The following LRP1B variants were observed in gnomAD, a reference collection of about 807,000 sequenced individuals.
The protein encoded by LRP1B is low-density lipoprotein receptor-related protein 1B.
In LRP1B, 217 loss-of-function variants were observed where a neutral mutation model predicts 556.6. That is an observed-to-expected ratio of 0.39 (90% CI 0.35 to 0.44). The LOEUF (loss-of-function observed/expected upper bound fraction) is 0.44, where lower values mean the gene tolerates loss of function less well. Among genes scored for constraint, LRP1B ranks in the 20% least tolerant of loss-of-function variants. The probability of loss-of-function intolerance (pLI) is 1.00; values close to 1 mark genes in which losing one functional copy is unlikely to be tolerated. For missense variants in LRP1B, 5,053 were observed against 5,620.8 expected, an observed-to-expected ratio of 0.90 and a Z score of 3.23; for synonymous variants, 2,047 against 1,865.8, an observed-to-expected ratio of 1.10 and a Z score of -2.50.
rs1373137869 is a variant in LRP1B, at chr2:141,015,850, G to T, written c.2036C>A (p.Ala679Asp). The change falls in exon 13 of 91, where the codon GCC becomes GAC. Residue 679 changes from alanine to aspartate, a missense_variant. This residue lies in a region of LRP1B where 3,619 missense variants were observed against 3,931.9 expected (regional missense o/e 0.92). Transcript: ENST00000389484. ...CTGCCGATTGAATCCATCCATCCAGGCCTTCTCAATCCTTCCCACGCTGTC... is the reference window on the plus strand; with the variant it reads ...CTGCCGATTGAATCCATCCATCCAGTCCTTCTCAATCCTTCCCACGCTGTC... ...IDDSVGRIEK[A>D]WMDGFNRQIF... 6.2e-7 allele frequency: 1 copy of T among 1,613,384 alleles called. No homozygotes were observed. Among genetic ancestry groups the T allele is most frequent in the Non-Finnish European group, 8.5e-7 (1 of 1,179,736 alleles).
intron 7 of LRP1B, among the ~76,000 whole-genome samples, chr2:141,160,630 T>C (rs1257092077): frequency 6.6e-6 from 1 of 151,844 alleles, no homozygotes; most frequent in East Asian, 1.9e-4. Flanking sequence ...GGCCTTATGC[T>C]GACTTGGAAA....
chr2:141,847,039 G>T (rs1399559327), intron 1 of LRP1B, among the ~76,000 whole-genome samples: 1 of 151,396 alleles, frequency 6.6e-6, no homozygotes, highest in Non-Finnish European at 1.5e-5. Context: ...AAAGAGGTAT[G>T]ACTGTTCTTT....
intron 1 of LRP1B, among the ~76,000 whole-genome samples, chr2:142,129,996 G>A (rs541170835): frequency 1.3e-5 from 2 of 152,300 alleles, no homozygotes; most frequent in Non-Finnish European, 2.9e-5. Context: ...AGGCACTCCA[G>A]GGGTGGGTTA....
In LRP1B at chr2:141,132,582, C is replaced by T. The variant is rs372842266; in HGVS notation, c.1013+55839G>A. ...AACAAAACAGACTAGGACATCAATA[C>T]TATTAAAATCTAATATAATCTCACT... On this transcript the variant is annotated intron_variant, in intron 7 of 90. Transcript: ENST00000389484. Among the ~76,000 whole-genome samples, 102 of 152,026 alleles carry T rather than the reference C, an allele frequency of 6.7e-4. 2 individuals are homozygous for T. In the South Asian group the frequency reaches 0.021, roughly 31 times the overall value.
At chr2:141,526,292 A>G (rs552449063) in intron 2 of LRP1B, among the ~76,000 whole-genome samples, 1 of 152,186 alleles carries the variant, frequency 6.6e-6, no homozygotes, top group South Asian at 2.1e-4. Flanking sequence ...AGTTATGGTC[A>G]GACCCAACTT....
intron 18 of LRP1B, among the ~76,000 whole-genome samples, chr2:140,974,496 C>G (rs1393227031): frequency 6.6e-6 from 1 of 152,086 alleles, no homozygotes; most frequent in Non-Finnish European, 1.5e-5. Context: ...ACTGTGAAAA[C>G]TAAAATAACT....
At chr2:140,562,896 A>G (rs745593255) in intron 43 of LRP1B, among the ~76,000 whole-genome samples, 25 of 152,138 alleles carry the variant, frequency 1.6e-4, no homozygotes, top group Non-Finnish European at 2.4e-4. Flanking sequence ...GATTACAAGC[A>G]TGAGCCACCA....
At position 140,886,162 on chromosome 2, in the gene LRP1B, G is replaced by C. The variant is rs769779943; in HGVS notation, c.3940C>G (p.Arg1314Gly). 6.2e-7 allele frequency: 1 copy of C among 1,601,372 alleles called. No individual in the cohort carries two copies. Among genetic ancestry groups the C allele is most frequent in the Non-Finnish European group, 8.5e-7 (1 of 1,172,804 alleles). ...WTDVVEDRIY[R>G]GKLSESGGVS... is the part of the protein sequence containing the mutation. ...CCTCCACTTTCAGAAAGCTTTCCCC[G>C]GTATATTCTGTCTTCTACAACATCT... Residue 1314 changes from arginine to glycine, a missense_variant, in exon 24 of 91, where the codon CGG becomes GGG. Arg to Gly is a moderately radical substitution (Grantham distance 125). Transcript: ENST00000389484.
At position 141,621,987 on chromosome 2, in the gene LRP1B, G is replaced by A. The variant is rs369195790; in HGVS notation, c.206-141454C>T. Among the ~76,000 whole-genome samples the A allele has an allele frequency of 7.9e-5, 12 of 152,252 alleles. No homozygotes were observed. The East Asian group carries it at 9.6e-4, about 12-fold the overall frequency. Reference sequence around the variant, plus strand: ...GCTCATGGCAACCTCTGCCTCCCAGGTTCAAGTAATTCTCCTGCCTCAGCC... The same window carrying A: ...GCTCATGGCAACCTCTGCCTCCCAGATTCAAGTAATTCTCCTGCCTCAGCC... On this transcript the variant is annotated intron_variant, in intron 2 of 90. Transcript: ENST00000389484.
chr2:141,557,642 C>T (rs1686008584), intron 2 of LRP1B, among the ~76,000 whole-genome samples: 1 of 151,880 alleles, frequency 6.6e-6, no homozygotes, highest in African/African-American at 2.4e-5. Context: ...ACAGCAGATC[C>T]AGACATCCTT....
chr2:141,871,345 G>T (rs1399703639), intron 1 of LRP1B, among the ~76,000 whole-genome samples: 1 of 151,806 alleles, frequency 6.6e-6, no homozygotes, highest in East Asian at 1.9e-4. Context: ...TGCCCAGATT[G>T]TAATATAATA....
chr2:140,259,151 C>CT (rs1681821984), intron 86 of LRP1B, among the ~76,000 whole-genome samples: 1 of 152,058 alleles, frequency 6.6e-6, no homozygotes, highest in African/African-American at 2.4e-5. Flanking sequence ...ACTCAAATGC[C>CT]TGAAGCACAG....
intron 67 of LRP1B, among the ~76,000 whole-genome samples, chr2:140,381,897 G>C (rs373709089): frequency 7.9e-6 from 1 of 126,404 alleles, no homozygotes; most frequent in Non-Finnish European, 1.7e-5. Context: ...GAGGAGAAAA[G>C]AACAAAATAC....
intron 3 of LRP1B, among the ~76,000 whole-genome samples, chr2:141,338,579 G>T (rs1022898484): frequency 7.2e-5 from 11 of 152,082 alleles, no homozygotes; most frequent in African/African-American, 2.2e-4. Context: ...TATTCTTTCT[G>T]TCCAGATTTT....
chr2:140,325,014 GT>G (rs940889050), intron 80 of LRP1B, among the ~76,000 whole-genome samples: 8 of 151,628 alleles, frequency 5.3e-5, no homozygotes, highest in Non-Finnish European at 1.5e-5. Flanking sequence ...GCTATATTCA[GT>G]AAATATATAA....
chr2:141,902,848 T>A (rs1456864043), intron 1 of LRP1B, among the ~76,000 whole-genome samples: 1 of 151,988 alleles, frequency 6.6e-6, no homozygotes, highest in African/African-American at 2.4e-5. Flanking sequence ...ATAGCAATTG[T>A]TTAGAACTCC....
intron 3 of LRP1B, among the ~76,000 whole-genome samples, chr2:141,288,269 T>C (rs1213436804): frequency 6.6e-6 from 1 of 151,322 alleles, no homozygotes; most frequent in Non-Finnish European, 1.5e-5. Flanking sequence ...AACTGTCCTT[T>C]GTATTTTATG....
At chr2:141,580,465 G>A (rs1449957568) in intron 2 of LRP1B, among the ~76,000 whole-genome samples, 1 of 152,144 alleles carries the variant, frequency 6.6e-6, no homozygotes, top group Non-Finnish European at 1.5e-5. Context: ...ACAGTTTAGG[G>A]AATTCTGGTG....
At chr2:141,341,881 AG>A (rs1345543493) in intron 3 of LRP1B, among the ~76,000 whole-genome samples, 2 of 152,122 alleles carry the variant, frequency 1.3e-5, no homozygotes, top group African/African-American at 4.8e-5. Context: ...CAATATTTGG[AG>A]GGGTGTTTAT....
Sources: gnomAD v4.1 joint callset for allele counts (sites outside exome capture counted in the v4.1 genomes callset) on GRCh38, gnomAD v4.1.1 for gene constraint, gnomAD v4.1.1 regional missense constraint, MANE v1.5 for transcripts, NCBI Gene and HGNC (gene_info 2026-07-23, HGNC 2026-07-21) for gene names.